Variants in ACACA observed in about 807,000 individuals in gnomAD.
The protein encoded by ACACA is acetyl-CoA carboxylase alpha.
A neutral mutation model predicts 296.1 loss-of-function variants in ACACA; 103 were observed. The observed-to-expected ratio is 0.35, with a 90% CI of 0.30 to 0.41. The LOEUF (loss-of-function observed/expected upper bound fraction) is 0.41, where lower values mean the gene tolerates loss of function less well. ACACA is among the 10% of genes least tolerant of loss of function. ACACA has a pLI of 1.00. For synonymous variants in ACACA, 953 were observed against 1,038.6 expected (o/e 0.92, Z 1.58); for missense variants, 1,554 against 2,989.7 (o/e 0.52, Z 11.20).
chr17:37,391,153 G>A (rs969963831), intron 1 of ACACA, among the ~76,000 whole-genome samples: 1 of 152,128 alleles, frequency 6.6e-6, no homozygotes, highest in South Asian at 2.1e-4. Context: ...CAGGATAATC[G>A]CTTGAACCCG....
At chr17:37,386,556 C>T (rs781348355) in intron 1 of ACACA, among the ~76,000 whole-genome samples, 25 of 152,232 alleles carry the variant, frequency 1.6e-4, no homozygotes, top group South Asian at 2.1e-4. Flanking sequence ...TGTCCCACTG[C>T]ACTCCAGCAG....
At chr17:37,108,232 T>A (rs1019754792) in intron 52 of ACACA, among the ~76,000 whole-genome samples, 1 of 152,070 alleles carries the variant, frequency 6.6e-6, no homozygotes, top group African/African-American at 2.4e-5. Flanking sequence ...TCTGTTATAA[T>A]CACAGACCTG....
At chr17:37,092,273 C>A (rs368948592) in intron 54 of ACACA, among the ~76,000 whole-genome samples, 829 of 103,766 alleles carry the variant, frequency 8.0e-3, no homozygotes, top group South Asian at 8.7e-3. Context: ...TAGAGTGAGA[C>A]AAAAAAAAAA....
intron 8 of ACACA, 26 bp from the exon 9 acceptor site, chr17:37,274,325 G>A (rs1045913345): frequency 6.4e-7 from 1 of 1,567,822 alleles, no homozygotes; most frequent in Non-Finnish European, 8.8e-7. Flanking sequence ...GCAACTTAGG[G>A]CAATTACAAG....
intron 41 of ACACA, 42 bp downstream of exon 41, chr17:37,179,218 G>C (rs150094434): frequency 6.2e-7 from 1 of 1,613,476 alleles, no homozygotes; most frequent in African/African-American, 1.3e-5. Flanking sequence ...GGTACTAGTG[G>C]GCACAGAGAT....
intron 1 of ACACA, among the ~76,000 whole-genome samples, chr17:37,344,825 G>A (rs978746143): frequency 6.6e-6 from 1 of 152,062 alleles, no homozygotes; most frequent in African/African-American, 2.4e-5. Flanking sequence ...AAGGAGGATT[G>A]GTTGAAATTG....
intron 52 of ACACA, among the ~76,000 whole-genome samples, chr17:37,099,586 T>C (rs1487765389): frequency 7.5e-6 from 1 of 132,628 alleles, no homozygotes; most frequent in Admixed American, 7.5e-5. Flanking sequence ...GGAGGGCTGA[T>C]GGCAGGAGGG....
At chr17:37,207,610 G>C in intron 31 of ACACA, 47 bp downstream of exon 31, 1 of 1,610,208 alleles carries the variant, frequency 6.2e-7, no homozygotes, top group Non-Finnish European at 8.5e-7. Context: ...CCAAAACACA[G>C]ATGTCCATGG....
intron 1 of ACACA, among the ~76,000 whole-genome samples, chr17:37,369,692 G>C (rs1477297201): frequency 6.6e-6 from 1 of 151,762 alleles, no homozygotes; most frequent in Non-Finnish European, 1.5e-5. Context: ...CAAGAATCTG[G>C]ATAATACATT....
chr17:37,377,702 T>TAAATAAAA (rs147629609), intron 1 of ACACA, among the ~76,000 whole-genome samples: 2 of 138,420 alleles, frequency 1.4e-5, no homozygotes, highest in Non-Finnish European at 1.6e-5. Flanking sequence ...AATAAATAAA[T>TAAATAAAA]AAAAGTAAAG....
chr17:37,359,436 G>A (rs1050593439), intron 1 of ACACA, among the ~76,000 whole-genome samples: 5 of 148,202 alleles, frequency 3.4e-5, no homozygotes, highest in Non-Finnish European at 6.0e-5. Context: ...GGCCGCGGGC[G>A]GGCCCTGGGC....
chr17:37,394,712 TAA>T (rs35982452), intron 1 of ACACA, among the ~76,000 whole-genome samples: 13 of 129,840 alleles, frequency 1.0e-4, no homozygotes, highest in Admixed American at 7.7e-5. Context: ...CTATCTCTAC[TAA>T]AAAAAAAAAA....
intron 3 of ACACA, among the ~76,000 whole-genome samples, chr17:37,295,760 T>TA (rs2083297147): frequency 1.3e-5 from 2 of 151,578 alleles, no homozygotes; most frequent in East Asian, 3.9e-4. Context: ...CCATCTCTAC[T>TA]AAAAAATACA....
intron 1 of ACACA, among the ~76,000 whole-genome samples, chr17:37,384,012 T>C (rs2050418855): frequency 2.0e-5 from 3 of 152,168 alleles, no homozygotes; most frequent in South Asian, 4.1e-4. Context: ...ATGCCTGTAA[T>C]CCCAGCACTT....
intron 45 of ACACA, among the ~76,000 whole-genome samples, chr17:37,149,330 G>A (rs1330659083): frequency 6.6e-6 from 1 of 152,102 alleles, no homozygotes; most frequent in Admixed American, 6.5e-5. Flanking sequence ...CCCTTTTCGA[G>A]AGGTGTATTT....
At chr17:37,251,962 G>A (rs1439081480) in intron 16 of ACACA, 43 bp downstream of exon 16, 2 of 1,549,178 alleles carry the variant, frequency 1.3e-6, no homozygotes, top group Non-Finnish European at 1.8e-6. Flanking sequence ...CTGTACTCAG[G>A]ACCATTGATT....
chr17:37,326,844 G>A (rs2047647218), intron 3 of ACACA, among the ~76,000 whole-genome samples: 2 of 151,432 alleles, frequency 1.3e-5, no homozygotes, highest in South Asian at 4.2e-4. Flanking sequence ...AAAAAAGAAA[G>A]AAAGAAAAAA....
intron 48 of ACACA, among the ~76,000 whole-genome samples, chr17:37,124,624 A>G (rs1243892497): frequency 6.6e-6 from 1 of 152,210 alleles, no homozygotes; most frequent in Non-Finnish European, 1.5e-5. Flanking sequence ...TACCAGGCAC[A>G]GAGAATACTT....
chr17:37,109,286 T>A (rs1019119150), intron 52 of ACACA, among the ~76,000 whole-genome samples: 1 of 152,234 alleles, frequency 6.6e-6, no homozygotes, highest in African/African-American at 2.4e-5. Flanking sequence ...CAGAGAATAC[T>A]GGATACCAAA....
Sources: gnomAD v4.1 joint callset for allele counts (sites outside exome capture counted in the v4.1 genomes callset) on GRCh38, gnomAD v4.1.1 for gene constraint, MANE v1.5 for transcripts, NCBI Gene and HGNC (gene_info 2026-07-23, HGNC 2026-07-21) for gene names.